Variants in ATF7 observed in about 807,000 individuals in gnomAD.
ATF7 encodes the protein cyclic AMP-dependent transcription factor ATF-7.
Under a neutral mutation model 50.4 loss-of-function variants are expected in ATF7, and 10 were observed. The ratio of observed to expected loss-of-function variants is 0.20; its 90% CI spans 0.12 to 0.34. The LOEUF (loss-of-function observed/expected upper bound fraction) is 0.34, where lower values mean the gene tolerates loss of function less well. Among genes scored for constraint, ATF7 ranks in the 10% least tolerant of loss-of-function variants. ATF7 has a pLI of 1.00. For missense variants in ATF7, 465 were observed against 613.9 expected, an observed-to-expected ratio of 0.76 and a Z score of 2.56; for synonymous variants, 201 against 226.4, an observed-to-expected ratio of 0.89 and a Z score of 1.01.
intron 3 of ATF7, among the ~76,000 whole-genome samples, chr12:53,546,980 T>TA (rs1186813162): frequency 2.3e-5 from 3 of 133,200 alleles, no homozygotes; most frequent in African/African-American, 1.0e-4. Context: ...GCTGGCTCTT[T>TA]TTTTTTTTTT....
chr12:53,517,944 A>C (rs1305039488), intron 11 of ATF7, among the ~76,000 whole-genome samples: 1 of 152,052 alleles, frequency 6.6e-6, no homozygotes, highest in East Asian at 1.9e-4. Context: ...AGCTCATTGC[A>C]ACCTCTGCCA....
intron 6 of ATF7, among the ~76,000 whole-genome samples, chr12:53,533,896 C>T (rs77664841): frequency 0.067 from 10,245 of 152,276 alleles, 509 homozygotes; most frequent in East Asian, 0.19. Context: ...TAGACTTCTA[C>T]AGGGTGTGGT....
chr12:53,525,038 C>T (rs1938362409), intron 9 of ATF7: 2 of 349,528 alleles, frequency 5.7e-6, no homozygotes, highest in South Asian at 5.8e-5. Flanking sequence ...AATGAAACCA[C>T]GGTTACTTTT....
Position 53,580,002 on chromosome 12 carries a change from T to G in ATF7, c.48+20951A>C, listed in dbSNP as rs2137689908. Among the ~76,000 whole-genome samples, 4 of 151,982 alleles carry G rather than the reference T, an allele frequency of 2.6e-5. No homozygotes were observed. In the Middle Eastern group the frequency reaches 0.014, roughly 517 times the overall value. On this transcript the variant is annotated intron_variant, in intron 2 of 11. Transcript: ENST00000420353. ...CCAGGCTGGAGTGGCACGATCTCAGTTCACTGCCACCTCCACCTCCTAGGT... is the reference window on the plus strand; with the variant it reads ...CCAGGCTGGAGTGGCACGATCTCAGGTCACTGCCACCTCCACCTCCTAGGT...
At chr12:53,604,366 A>G (rs1943519739) in intron 1 of ATF7, among the ~76,000 whole-genome samples, 1 of 152,216 alleles carries the variant, frequency 6.6e-6, no homozygotes, top group Non-Finnish European at 1.5e-5. Context: ...ATGATTTTTA[A>G]TAACTGAGAT....
intron 4 of ATF7, among the ~76,000 whole-genome samples, chr12:53,539,978 G>A (rs756241518): frequency 6.6e-6 from 1 of 151,918 alleles, no homozygotes; most frequent in Non-Finnish European, 1.5e-5. Flanking sequence ...ACTGAGGCGG[G>A]AGGATCACTT....
intron 2 of ATF7, among the ~76,000 whole-genome samples, chr12:53,562,256 T>G (rs750095693): frequency 6.4e-4 from 98 of 152,246 alleles, no homozygotes; most frequent in Non-Finnish European, 1.3e-3. Flanking sequence ...GAACGGTATC[T>G]GTACACAGTA....
intron 2 of ATF7, among the ~76,000 whole-genome samples, chr12:53,598,087 A>G (rs1162417418): frequency 6.6e-6 from 1 of 152,220 alleles, no homozygotes; most frequent in Admixed American, 6.5e-5. Context: ...CTCAAGGGAT[A>G]TTAAGGAAGT....
intron 3 of ATF7, chr12:53,544,069 CTG>C (rs1298266676): frequency 6.6e-6 from 1 of 152,644 alleles, no homozygotes; most frequent in African/African-American, 2.4e-5. Context: ...GAAAAGGAAA[CTG>C]TAAACAATAG....
chr12:53,572,573 G>GAA (rs987743398), intron 2 of ATF7, among the ~76,000 whole-genome samples: 1 of 152,138 alleles, frequency 6.6e-6, no homozygotes. Context: ...GGGGGAAAGG[G>GAA]AAAAGTACAG....
chr12:53,618,927 C>G (rs955047732), intron 1 of ATF7, among the ~76,000 whole-genome samples: 1 of 151,808 alleles, frequency 6.6e-6, no homozygotes, highest in Non-Finnish European at 1.5e-5. Flanking sequence ...TGGTGGGCAC[C>G]TGTAGTCCCA....
At chr12:53,549,548 CAT>C (rs1940189051) in intron 3 of ATF7, among the ~76,000 whole-genome samples, 1 of 152,054 alleles carries the variant, frequency 6.6e-6, no homozygotes, top group Admixed American at 6.6e-5. Context: ...GGATTACAGG[CAT>C]GCACCACCAT....
chr12:53,623,000 T>C lies in ATF7; in HGVS notation c.-22+3279A>G, dbSNP rs115979622. Reference sequence around the variant, plus strand: ...CACTTGCACTCTAGCCTGGGCAACATAGCGAGACCCTGTCTCTAAAAGAAT... The same window carrying C: ...CACTTGCACTCTAGCCTGGGCAACACAGCGAGACCCTGTCTCTAAAAGAAT... On this transcript the variant is annotated intron_variant, in intron 1 of 11. Coordinates refer to ENST00000420353, the MANE Select transcript of ATF7 (RefSeq NM_006856.3). 8.3e-3 allele frequency among the ~76,000 whole-genome samples: 1,267 copies of C among 152,244 alleles called. 14 individuals carry two copies. Among genetic ancestry groups the C allele is most frequent in the African/African-American group, 0.029 (1,200 of 41,552 alleles).
rs1180362938 is a variant in ATF7, at chr12:53,513,355, C to G, written c.*3782G>C. The G allele has an allele frequency of 6.6e-6, 1 of 152,114 alleles. No homozygotes were observed. Among genetic ancestry groups the G allele is most frequent in the Non-Finnish European group, 1.5e-5 (1 of 68,020 alleles). The allele number at this position is 152,114 out of a possible 1,614,324, so 9.4% of individuals were successfully genotyped here. The stretch of plus-strand genomic sequence containing the variant: ...ATGTCTGTATGCACATTTGTGTGTA[C>G]AAACAGACACAGAGAAATCAGTCCT... On this transcript the variant is annotated 3_prime_UTR_variant, in exon 12 of 12. Transcript: ENST00000420353.
chr12:53,554,021 T>C (rs1048415193), intron 2 of ATF7, among the ~76,000 whole-genome samples: 1 of 152,216 alleles, frequency 6.6e-6, no homozygotes, highest in African/African-American at 2.4e-5. Flanking sequence ...ATGCCTGTAA[T>C]TGCAGCACTT....
At chr12:53,557,679 C>T (rs1393565187) in intron 2 of ATF7, among the ~76,000 whole-genome samples, 1 of 152,158 alleles carries the variant, frequency 6.6e-6, no homozygotes, top group Non-Finnish European at 1.5e-5. Flanking sequence ...AGTTTCTCTC[C>T]TCTCCTTTAT....
At chr12:53,618,716 T>C (rs1944249642) in intron 1 of ATF7, among the ~76,000 whole-genome samples, 1 of 152,184 alleles carries the variant, frequency 6.6e-6, no homozygotes. Context: ...TGTGTGTGTG[T>C]GTGTGTTTAT....
intron 2 of ATF7, among the ~76,000 whole-genome samples, chr12:53,554,413 G>C (rs917377282): frequency 4.6e-5 from 7 of 151,424 alleles, no homozygotes; most frequent in Non-Finnish European, 8.8e-5. Context: ...TTACAGGCAT[G>C]AGCCACCATG....
chr12:53,574,102 A>T (rs1941924149), intron 2 of ATF7, among the ~76,000 whole-genome samples: 1 of 152,242 alleles, frequency 6.6e-6, no homozygotes, highest in Non-Finnish European at 1.5e-5. Flanking sequence ...GAAGAAACTG[A>T]ATAAGCACCA....
Sources: gnomAD v4.1 joint callset for allele counts (sites outside exome capture counted in the v4.1 genomes callset) on GRCh38, gnomAD v4.1.1 for gene constraint, MANE v1.5 for transcripts, NCBI Gene and HGNC (gene_info 2026-07-23, HGNC 2026-07-21) for gene names.